CATSPERB: variants seen among roughly 807,000 people sequenced by gnomAD.
CATSPERB encodes the protein catsper channel auxiliary subunit beta.
A neutral mutation model predicts 128.3 loss-of-function variants in CATSPERB; 93 were observed. The observed-to-expected ratio is 0.72, with a 90% CI of 0.61 to 0.86. The LOEUF (loss-of-function observed/expected upper bound fraction) is 0.86. CATSPERB is among the 40% of genes least tolerant of loss of function. CATSPERB has a pLI of 0.00. For missense variants in CATSPERB, 1,153 were observed against 1,329.5 expected (o/e 0.87, Z 2.06); for synonymous variants, 381 against 448.8 (o/e 0.85, Z 1.91).
At chr14:91,703,789 C>G (rs1158003862) in intron 7 of CATSPERB, among the ~76,000 whole-genome samples, 2 of 152,162 alleles carry the variant, frequency 1.3e-5, no homozygotes, top group Admixed American at 6.5e-5. Flanking sequence ...TTATAATAAA[C>G]TGGCAAACCT....
chr14:91,730,099 T>C (rs1848828), intron 1 of CATSPERB, among the ~76,000 whole-genome samples: 148,156 of 152,262 alleles, frequency 0.97, 72,121 homozygotes, highest in East Asian at 1. Context: ...TTTTCTACCC[T>C]CAAAATTCTG....
At chr14:91,695,671 G>A (rs1895551429) in intron 7 of CATSPERB, among the ~76,000 whole-genome samples, 1 of 152,232 alleles carries the variant, frequency 6.6e-6, no homozygotes, top group Non-Finnish European at 1.5e-5. Context: ...GCAAAGGGAA[G>A]CCACAGGAGT....
At chr14:91,583,351 G>T (rs754293626) in intron 26 of CATSPERB, among the ~76,000 whole-genome samples, 10 of 14,648 alleles carry the variant, frequency 6.8e-4, no homozygotes, top group East Asian at 0.071. Context: ...CCCGGGAGGC[G>T]GAACTTGCAG....
intron 14 of CATSPERB, among the ~76,000 whole-genome samples, chr14:91,668,438 A>G (rs1895027120): frequency 6.6e-6 from 1 of 152,194 alleles, no homozygotes; most frequent in Non-Finnish European, 1.5e-5. Flanking sequence ...AAATGGACCA[A>G]TCAGCACTCT....
At chr14:91,586,477 C>T (rs1408653021) in intron 26 of CATSPERB, among the ~76,000 whole-genome samples, 4 of 151,460 alleles carry the variant, frequency 2.6e-5, no homozygotes, top group African/African-American at 9.7e-5. Context: ...TGCACTGCTG[C>T]AATGGCCACC....
chr14:91,652,118 T>C (rs2139815446), intron 15 of CATSPERB, among the ~76,000 whole-genome samples: 1 of 152,180 alleles, frequency 6.6e-6, no homozygotes, highest in East Asian at 1.9e-4. Flanking sequence ...ATAATTTTTG[T>C]TCAAAAGATA....
In CATSPERB at chr14:91,682,793, C is replaced by T. The variant is rs193205128; in HGVS notation, c.931+1084G>A. On this transcript the variant is annotated intron_variant, in intron 11 of 26. Transcript: ENST00000256343. ...GTAGAATTACAAGTAGAGGCCCTGG[C>T]TAAGCATATGGCTGCTGCCTTTAAT... 1.3e-3 allele frequency among the ~76,000 whole-genome samples: 199 copies of T among 152,332 alleles called. 2 individuals carry two copies. Among genetic ancestry groups the T allele is most frequent in the Non-Finnish European group, 1.6e-4 (11 of 68,042 alleles).
At chr14:91,676,527 T>C (rs1444684753) in intron 11 of CATSPERB, among the ~76,000 whole-genome samples, 1 of 152,146 alleles carries the variant, frequency 6.6e-6, no homozygotes, top group African/African-American at 2.4e-5. Context: ...TATCTTCTTT[T>C]TTTTTTTCTG....
intron 22 of CATSPERB, 78 bp downstream of exon 22, chr14:91,608,216 A>C: frequency 1.1e-6 from 1 of 879,056 alleles, no homozygotes; most frequent in Non-Finnish European, 1.9e-6. Flanking sequence ...TTTAACACTT[A>C]TAGCTATATA....
chr14:91,725,244 T>C (rs1299026665), intron 2 of CATSPERB, 76 bp from the exon 3 acceptor site: 3 of 563,428 alleles, frequency 5.3e-6, no homozygotes, highest in Admixed American at 3.9e-5. Flanking sequence ...TTTCTAAAAC[T>C]GACAAAATAT....
intron 22 of CATSPERB, among the ~76,000 whole-genome samples, chr14:91,597,479 A>C (rs1466192625): frequency 6.6e-6 from 1 of 152,238 alleles, no homozygotes; most frequent in Non-Finnish European, 1.5e-5. Flanking sequence ...AACTTCCATA[A>C]GCCTTTTATA....
At chr14:91,668,086 C>G (rs1895019563) in intron 14 of CATSPERB, among the ~76,000 whole-genome samples, 1 of 152,118 alleles carries the variant, frequency 6.6e-6, no homozygotes, top group Non-Finnish European at 1.5e-5. Context: ...ACTGCAGGGC[C>G]CTTTCTTCAC....
Position 91,617,722 on chromosome 14 carries a change from C to G in CATSPERB, c.2275G>C (p.Glu759Gln). The G allele has an allele frequency of 6.3e-7, 1 of 1,597,590 alleles. No individual in the cohort carries two copies. The highest frequency in any genetic ancestry group is 8.5e-7 in the Non-Finnish European group (1 of 1,174,690). The change falls in exon 20 of 27, where the codon GAA becomes CAA. Residue 759 changes from glutamate to glutamine, a missense_variant. Transcript: ENST00000256343. ...IRNAKGFRML[E>Q]IPLLTVFVGN... ...ACAAACACAGTCAGTAGTGGTATTTCAAGCATTCGAAAACCTATGGAAACA... is the reference window on the plus strand; with the variant it reads ...ACAAACACAGTCAGTAGTGGTATTTGAAGCATTCGAAAACCTATGGAAACA...
intron 15 of CATSPERB, among the ~76,000 whole-genome samples, chr14:91,645,798 T>TC (rs1402791802): frequency 6.8e-6 from 1 of 148,106 alleles, no homozygotes; most frequent in African/African-American, 2.5e-5. Flanking sequence ...TGGGCGCCCC[T>TC]CCCCCAGCCT....
At chr14:91,728,055 T>C (rs1896147899) in intron 2 of CATSPERB, among the ~76,000 whole-genome samples, 1 of 152,208 alleles carries the variant, frequency 6.6e-6, no homozygotes, top group African/African-American at 2.4e-5. Flanking sequence ...CATGGGCTTC[T>C]CTCTACTTCA....
At chr14:91,655,267 C>T (rs1321237836) in intron 15 of CATSPERB, among the ~76,000 whole-genome samples, 1 of 152,194 alleles carries the variant, frequency 6.6e-6, no homozygotes, top group African/African-American at 2.4e-5. Context: ...ACTCTTTAAT[C>T]CCCAGACACC....
At chr14:91,637,707 A>G (rs547337784) in intron 16 of CATSPERB, among the ~76,000 whole-genome samples, 1 of 152,330 alleles carries the variant, frequency 6.6e-6, no homozygotes, top group Admixed American at 6.5e-5. Flanking sequence ...TTATCCAGAG[A>G]GAATGCATGC....
chr14:91,691,330 T>C (rs1390769403), intron 10 of CATSPERB, among the ~76,000 whole-genome samples, 193 bp downstream of exon 10: 1 of 152,168 alleles, frequency 6.6e-6, no homozygotes, highest in Non-Finnish European at 1.5e-5. Context: ...TGCTTAATGG[T>C]TGCTACGAAT....
intron 3 of CATSPERB, among the ~76,000 whole-genome samples, 160 bp from the exon 4 acceptor site, chr14:91,723,349 G>GCC (rs1384718026): frequency 6.6e-6 from 1 of 151,970 alleles, no homozygotes; most frequent in Non-Finnish European, 1.5e-5. Context: ...TATTATGCTA[G>GCC]CATCATAAAG....
Sources: gnomAD v4.1 joint callset for allele counts (sites outside exome capture counted in the v4.1 genomes callset) on GRCh38, gnomAD v4.1.1 for gene constraint, MANE v1.5 for transcripts, NCBI Gene and HGNC (gene_info 2026-07-23, HGNC 2026-07-21) for gene names.